GOLGA6L9: variants seen among roughly 807,000 people sequenced by gnomAD.
The protein encoded by GOLGA6L9 is golgin A6 family like 9, also known as golgin subfamily A member 6-like protein 9.
A neutral mutation model predicts 51.3 loss-of-function variants in GOLGA6L9; 19 were observed. That is an observed-to-expected ratio of 0.37 (90% CI 0.26 to 0.54). GOLGA6L9 has a LOEUF of 0.54. Ranked by LOEUF, GOLGA6L9 falls within the 20% of genes least tolerant of loss-of-function variation. The pLI, the probability that GOLGA6L9 is intolerant of heterozygous loss-of-function variation, is 0.83. For missense variants in GOLGA6L9, 247 were observed against 464.1 expected, an observed-to-expected ratio of 0.53 and a Z score of 4.30; for synonymous variants, 97 against 184.2, an observed-to-expected ratio of 0.53 and a Z score of 3.83.
upstream of GOLGA6L9, among the ~76,000 whole-genome samples, chr15:82,429,735 T>C (rs1370126413): frequency 2.6e-5 from 4 of 152,108 alleles, no homozygotes; most frequent in East Asian, 1.9e-4. Context: ...TATATACACA[T>C]ATATTTTTTA....
chr15:82,417,933 A>C, the GOLGA6L9 span, among the ~76,000 whole-genome samples: 1 of 152,388 alleles, frequency 6.6e-6, no homozygotes, highest in Non-Finnish European at 1.5e-5. Flanking sequence ...TTCAGAAATC[A>C]AATACACAAA....
rs1426965293 is a variant in GOLGA6L9 at position 82,429,816 on chromosome 15, C to G, written c.-264C>G. ...CCCTCCCCTCTCCCAGAGTGGGCGG[C>G]CTCTCCCCTCTCTCTGAGTGGGCGG... On this transcript the variant is annotated 5_prime_UTR_variant, in exon 1 of 9. Coordinates refer to ENST00000618348, the MANE Select transcript of GOLGA6L9 (RefSeq NM_198181.4). Among the ~76,000 whole-genome samples, 2 of 152,152 alleles carry G rather than the reference C, an allele frequency of 1.3e-5. No homozygotes were observed. The highest frequency in any genetic ancestry group is 4.8e-5 in the African/African-American group (2 of 41,408).
At chr15:82,418,237 A>G in the GOLGA6L9 span, among the ~76,000 whole-genome samples, 5 of 152,242 alleles carry the variant, frequency 3.3e-5, no homozygotes, top group Non-Finnish European at 5.9e-5. Context: ...AGTCAATGCA[A>G]GGATGCCTTT....
At chr15:82,417,679 A>G in the GOLGA6L9 span, among the ~76,000 whole-genome samples, 812 of 152,332 alleles carry the variant, frequency 5.3e-3, 7 homozygotes, top group African/African-American at 0.019. Context: ...ATGGGTGACA[A>G]TGTCTGCCAT....
chr15:82,423,989 G>GTT, the GOLGA6L9 span, among the ~76,000 whole-genome samples: 1 of 138,008 alleles, frequency 7.2e-6, no homozygotes. Context: ...AGGCACAAAT[G>GTT]TTTTAAGAGT....
At chr15:82,419,000 C>G in the GOLGA6L9 span, among the ~76,000 whole-genome samples, 1 of 152,208 alleles carries the variant, frequency 6.6e-6, no homozygotes, top group Non-Finnish European at 1.5e-5. Flanking sequence ...AAACAATTGA[C>G]TGGAATTTCA....
the GOLGA6L9 span, chr15:82,418,678 G>A: frequency 6.6e-6 from 1 of 152,208 alleles, no homozygotes; most frequent in Non-Finnish European, 1.5e-5. Context: ...ACCTAGAAAG[G>A]ACTTGAGGAG....
intron 2 of GOLGA6L9, 43 bp downstream of exon 2, chr15:82,431,992 G>C (rs2031422004): frequency 7.5e-7 from 1 of 1,329,224 alleles, no homozygotes; most frequent in Middle Eastern, 2.6e-4. Context: ...GGGAGCCCAA[G>C]GGGCAGTAGA....
At chr15:82,419,681 C>A in the GOLGA6L9 span, among the ~76,000 whole-genome samples, 1 of 151,876 alleles carries the variant, frequency 6.6e-6, no homozygotes, top group Non-Finnish European at 1.5e-5. Context: ...ACAAAAAAAA[C>A]AGAATGAAAA....
chr15:82,432,497 G>A, intron 2 of GOLGA6L9, 75 bp from the exon 3 acceptor site: 3 of 1,564,140 alleles, frequency 1.9e-6, no homozygotes, highest in South Asian at 2.3e-5. Context: ...AGTTGATGGG[G>A]GAAGAAAGGA....
upstream of GOLGA6L9, among the ~76,000 whole-genome samples, chr15:82,429,258 A>T (rs2031310733): frequency 6.6e-6 from 1 of 151,956 alleles, no homozygotes; most frequent in Non-Finnish European, 1.5e-5. Flanking sequence ...TATTTTTAGT[A>T]GAGACAGGGT....
rs1171079766 is a variant in GOLGA6L9, at chr15:82,438,189, C to T, written c.*1778C>T. 3 of 148,182 alleles carry T rather than the reference C, an allele frequency of 2.0e-5. No homozygotes were observed. Among genetic ancestry groups the T allele is most frequent in the Non-Finnish European group, 4.5e-5 (3 of 66,878 alleles). The allele number at this position is 148,182 out of a possible 1,614,324, so 9.2% of individuals were successfully genotyped here. ...AAAGGTATTTTTATAGTTCAAATCG[C>T]TTCACTTTTACCCTGACACGTATAA... On this transcript the variant is annotated 3_prime_UTR_variant, in exon 9 of 9. Coordinates refer to ENST00000618348, the MANE Select transcript of GOLGA6L9 (RefSeq NM_198181.4).
chr15:82,418,696 G>A, the GOLGA6L9 span: 4 of 152,256 alleles, frequency 2.6e-5, no homozygotes, highest in African/African-American at 7.2e-5. Context: ...GAGTCCCAGA[G>A]AGGAGCCACA....
chr15:82,417,202 A>G, the GOLGA6L9 span, among the ~76,000 whole-genome samples: 3 of 152,336 alleles, frequency 2.0e-5, no homozygotes, highest in East Asian at 1.9e-4. Context: ...AGCTTTGACA[A>G]CTGAATTTTT....
At chr15:82,434,012 T>C in intron 5 of GOLGA6L9, 22 bp from the exon 6 acceptor site, 1 of 1,533,020 alleles carries the variant, frequency 6.5e-7, no homozygotes, top group Non-Finnish European at 8.7e-7. Flanking sequence ...CAGAGGCCCT[T>C]ATTCTCTGCT....
the GOLGA6L9 span, among the ~76,000 whole-genome samples, chr15:82,417,378 G>A: frequency 4.6e-5 from 7 of 152,294 alleles, no homozygotes; most frequent in Admixed American, 2.0e-4. Context: ...ACATATTGAC[G>A]AAATGAATGT....
chr15:82,431,498 C>T (rs2031397533), intron 1 of GOLGA6L9: 2 of 202,470 alleles, frequency 9.9e-6, no homozygotes, highest in Non-Finnish European at 1.8e-5. Context: ...AACCACACGG[C>T]CTACAGTTCC....
the GOLGA6L9 span, chr15:82,418,682 T>C: frequency 6.6e-6 from 1 of 152,218 alleles, no homozygotes; most frequent in Non-Finnish European, 1.5e-5. Flanking sequence ...AGAAAGGACT[T>C]GAGGAGTCCC....
chr15:82,435,430 C>T (rs1344852892), intron 7 of GOLGA6L9: 5 of 247,290 alleles, frequency 2.0e-5, no homozygotes, highest in Non-Finnish European at 2.3e-5. Context: ...CACTTGAGCC[C>T]GGGAGATGAA....
Sources: gnomAD v4.1 joint callset for allele counts (sites outside exome capture counted in the v4.1 genomes callset) on GRCh38, gnomAD v4.1.1 for gene constraint, MANE v1.5 for transcripts, NCBI Gene and HGNC (gene_info 2026-07-23, HGNC 2026-07-21) for gene names.